CEMIP: variants seen among roughly 807,000 people sequenced by gnomAD.
CEMIP encodes the protein cell migration-inducing and hyaluronan-binding protein.
CEMIP carries 105 observed loss-of-function variants against 156.9 expected under a neutral mutation model. The ratio of observed to expected loss-of-function variants is 0.67; its 90% CI spans 0.57 to 0.79. CEMIP has a LOEUF of 0.79. Ranked by LOEUF, CEMIP falls within the 30% of genes least tolerant of loss-of-function variation. The pLI is 0.00. For missense variants in CEMIP, 1,457 were observed against 1,769.4 expected (o/e 0.82, Z 3.17); for synonymous variants, 676 against 668.4 (o/e 1.01, Z -0.17).
intron 24 of CEMIP, 81 bp from the exon 25 acceptor site, chr15:80,937,713 G>T: frequency 3.7e-6 from 5 of 1,341,668 alleles, no homozygotes; most frequent in Admixed American, 1.8e-5. Context: ...AGATTTTTTG[G>T]TCTCTTTCTC....
Position 80,933,350 on chromosome 15 carries a change from G to A in CEMIP, c.2899G>A (p.Glu967Lys), listed in dbSNP as rs776675559. The A allele has an allele frequency of 1.2e-5, 19 of 1,614,146 alleles. No homozygotes were observed. Among genetic ancestry groups the A allele is most frequent in the Admixed American group, 1.7e-5 (1 of 60,020 alleles). The change falls in exon 23 of 30, where the codon GAG becomes AAG. Residue 967 changes from glutamate (E) to lysine (K), a missense_variant. Glu to Lys is a moderately conservative substitution (Grantham distance 56). This residue lies in a region of CEMIP where 798 missense variants were observed against 980.1 expected (regional missense o/e 0.81). Coordinates refer to ENST00000394685, the MANE Select transcript of CEMIP (RefSeq NM_001293298.2). ...VFHDVDGSVS[E>K]YPGSYLTKND... ...CCATGACGTCGACGGCTCCGTGTCC[G>A]AGTACCCTGGCTCCTACCTCACGAA...
At chr15:80,861,500 A>G (rs1897986976) in intron 1 of CEMIP, among the ~76,000 whole-genome samples, 1 of 152,218 alleles carries the variant, frequency 6.6e-6, no homozygotes, top group Non-Finnish European at 1.5e-5. Flanking sequence ...TTTGAAACAA[A>G]GGTCTTCCTG....
At chr15:80,781,477 A>G (rs147901012) in intron 1 of CEMIP, among the ~76,000 whole-genome samples, 99 of 152,316 alleles carry the variant, frequency 6.5e-4, no homozygotes, top group African/African-American at 2.3e-3. Flanking sequence ...TAATCTGTGC[A>G]CCAAATTAAA....
Position 80,949,975 on chromosome 15 carries a change from T to G in CEMIP, c.*1051T>G, listed in dbSNP as rs116222743. The G allele has an allele frequency of 6.6e-6, 1 of 152,016 alleles. No individual in the cohort carries two copies. The highest frequency in any genetic ancestry group is 2.1e-4 in the South Asian group (1 of 4,824). 9.4% of individuals were successfully genotyped at this position (152,016 alleles called of 1,614,324 possible). ...CTCTGGCCCACTCATGATGGAGAAGTGTGGTCAGAGGGGAGCAATGGGCTT... is the reference window on the plus strand; with the variant it reads ...CTCTGGCCCACTCATGATGGAGAAGGGTGGTCAGAGGGGAGCAATGGGCTT... On this transcript the variant is annotated 3_prime_UTR_variant, in exon 30 of 30. Coordinates refer to ENST00000394685, the MANE Select transcript of CEMIP (RefSeq NM_001293298.2).
chr15:80,913,063 A>G (rs1399809687), intron 14 of CEMIP, among the ~76,000 whole-genome samples: 1 of 152,108 alleles, frequency 6.6e-6, no homozygotes, highest in African/African-American at 2.4e-5. Context: ...AGTGCCTTAA[A>G]GCCTGGCTCT....
chr15:80,794,971 A>C (rs1213900896), intron 1 of CEMIP, among the ~76,000 whole-genome samples: 1 of 152,128 alleles, frequency 6.6e-6, no homozygotes, highest in Non-Finnish European at 1.5e-5. Flanking sequence ...GAGGATAGTG[A>C]GTAGAAGCTA....
intron 10 of CEMIP, among the ~76,000 whole-genome samples, chr15:80,893,989 C>T (rs1026359459): frequency 6.6e-6 from 1 of 152,218 alleles, no homozygotes; most frequent in African/African-American, 2.4e-5. Context: ...CACACCCTGG[C>T]TCTGGGATGG....
At chr15:80,895,733 G>C in intron 11 of CEMIP, 136 bp from the exon 12 acceptor site, 1 of 779,346 alleles carries the variant, frequency 1.3e-6, no homozygotes, top group South Asian at 1.5e-5. Context: ...GTGGGATGGA[G>C]CAAGCCAGTG....
chr15:80,924,080 T>C (rs1207791608), intron 17 of CEMIP, among the ~76,000 whole-genome samples: 1 of 152,178 alleles, frequency 6.6e-6, no homozygotes, highest in Non-Finnish European at 1.5e-5. Context: ...TCAGCTGCCT[T>C]GATTTCTCCC....
chr15:80,925,812 A>G, intron 19 of CEMIP, 57 bp downstream of exon 19: 1 of 1,581,772 alleles, frequency 6.3e-7, no homozygotes, highest in Non-Finnish European at 8.6e-7. Flanking sequence ...GTCTTCCCCT[A>G]GCCCCCTACA....
chr15:80,924,796 G>GCAT (rs1411050269), intron 18 of CEMIP, 90 bp downstream of exon 18: 1 of 1,143,082 alleles, frequency 8.7e-7, no homozygotes, highest in African/African-American at 1.5e-5. Context: ...CATTCCCTGA[G>GCAT]CATCTGTTGA....
intron 1 of CEMIP, among the ~76,000 whole-genome samples, chr15:80,832,150 C>T (rs1897169631): frequency 6.6e-6 from 1 of 152,208 alleles, no homozygotes; most frequent in Non-Finnish European, 1.5e-5. Context: ...TTTTGTTTTG[C>T]AAAATCTGGT....
At chr15:80,873,820 G>C in intron 2 of CEMIP, 44 bp from the exon 3 acceptor site, 1 of 1,427,902 alleles carries the variant, frequency 7.0e-7, no homozygotes. Context: ...ACTGATTCCA[G>C]CCTGCCAAGG....
intron 1 of CEMIP, among the ~76,000 whole-genome samples, chr15:80,872,476 A>G (rs1210459779): frequency 2.7e-5 from 4 of 147,314 alleles, no homozygotes; most frequent in Non-Finnish European, 5.9e-5. Context: ...GTAAACTTCT[A>G]TATGAGTAAA....
At chr15:80,904,401 A>C (rs1567093099) in intron 12 of CEMIP, among the ~76,000 whole-genome samples, 1 of 152,150 alleles carries the variant, frequency 6.6e-6, no homozygotes, top group African/African-American at 2.4e-5. Flanking sequence ...GTATCTGAAA[A>C]AGAAGGAGGA....
chr15:80,915,068 T>C (rs1900218090), intron 14 of CEMIP, among the ~76,000 whole-genome samples: 1 of 152,200 alleles, frequency 6.6e-6, no homozygotes, highest in Admixed American at 6.5e-5. Flanking sequence ...AGCTGGTCCA[T>C]TTAGTGCCAG....
At chr15:80,794,410 T>C (rs959474818) in intron 1 of CEMIP, among the ~76,000 whole-genome samples, 4 of 152,152 alleles carry the variant, frequency 2.6e-5, no homozygotes, top group African/African-American at 9.7e-5. Flanking sequence ...GTGACCAAAA[T>C]GAGCTGAGAC....
intron 17 of CEMIP, among the ~76,000 whole-genome samples, chr15:80,923,764 T>C (rs753103046): frequency 7.2e-5 from 11 of 152,184 alleles, no homozygotes; most frequent in Non-Finnish European, 1.5e-4. Flanking sequence ...CTGGGGTCTC[T>C]TATTGGGTCC....
At chr15:80,899,506 G>A (rs909467756) in intron 12 of CEMIP, among the ~76,000 whole-genome samples, 13 of 152,196 alleles carry the variant, frequency 8.5e-5, no homozygotes, top group African/African-American at 2.7e-4. Context: ...AGAGGAATGA[G>A]TGACTGAGCT....
Sources: allele counts gnomAD v4.1 joint callset (sites outside exome capture counted in the v4.1 genomes callset), GRCh38; gene constraint gnomAD v4.1.1; regional missense constraint gnomAD v4.1.1; transcripts MANE v1.5; gene names NCBI Gene and HGNC (gene_info 2026-07-23, HGNC 2026-07-21).